The following POT1 variants were observed in gnomAD, a reference collection of about 807,000 sequenced individuals.
POT1 encodes the protein protection of telomeres 1.
Under a neutral mutation model 78.5 loss-of-function variants are expected in POT1, and 47 were observed. The observed-to-expected ratio is 0.60, with a 90% CI of 0.47 to 0.76. The LOEUF (loss-of-function observed/expected upper bound fraction) is 0.76. Ranked by LOEUF, POT1 falls within the 30% of genes least tolerant of loss-of-function variation. The pLI is 0.00. For missense variants in POT1, 646 were observed against 749.9 expected, an observed-to-expected ratio of 0.86 and a Z score of 1.62; for synonymous variants, 259 against 260.7, an observed-to-expected ratio of 0.99 and a Z score of 0.06.
intron 6 of POT1, among the ~76,000 whole-genome samples, chr7:124,881,486 A>G (rs895825550): frequency 2.0e-5 from 3 of 152,018 alleles, no homozygotes; most frequent in African/African-American, 7.2e-5. Context: ...ATCAAGAACA[A>G]TAAGAAAAAA....
At chr7:124,910,981 A>G (rs1046473000) in intron 3 of POT1, among the ~76,000 whole-genome samples, 5 of 151,936 alleles carry the variant, frequency 3.3e-5, no homozygotes, top group African/African-American at 1.2e-4. Flanking sequence ...CCCCAACACT[A>G]TTTTCTGTAT....
chr7:124,904,199 C>A (rs1206254323), intron 3 of POT1, among the ~76,000 whole-genome samples: 1 of 152,110 alleles, frequency 6.6e-6, no homozygotes, highest in East Asian at 1.9e-4. Context: ...CAAAGCCTGG[C>A]AGAGACATAA....
chr7:124,902,921 A>G (rs544088142), intron 3 of POT1, among the ~76,000 whole-genome samples: 1 of 152,220 alleles, frequency 6.6e-6, no homozygotes, highest in East Asian at 1.9e-4. Flanking sequence ...ATCAGAAGAG[A>G]CACAGAAGGC....
chr7:124,921,868 G>GA (rs914548581), intron 2 of POT1, among the ~76,000 whole-genome samples: 11 of 150,432 alleles, frequency 7.3e-5, no homozygotes, highest in South Asian at 2.1e-4. Flanking sequence ...AATGTGGCAG[G>GA]AAAAAAAAAT....
intron 5 of POT1, among the ~76,000 whole-genome samples, chr7:124,894,633 C>A (rs1013334044): frequency 6.6e-6 from 1 of 151,552 alleles, no homozygotes; most frequent in Non-Finnish European, 1.5e-5. Flanking sequence ...GGTTAATGTA[C>A]CATTGAGTAA....
At chr7:124,894,088 T>C (rs1796436481) in intron 5 of POT1, among the ~76,000 whole-genome samples, 1 of 151,588 alleles carries the variant, frequency 6.6e-6, no homozygotes, top group African/African-American at 2.4e-5. Flanking sequence ...TTAAAGGGCT[T>C]TGTATAAGTG....
At chr7:124,834,832 C>G (rs994351381) in intron 15 of POT1, among the ~76,000 whole-genome samples, 1 of 152,100 alleles carries the variant, frequency 6.6e-6, no homozygotes, top group Non-Finnish European at 1.5e-5. Context: ...TAGCAAAGAC[C>G]TGGAACTATA....
chr7:124,877,840 C>CAAAAAAAAAAAAAAAA lies in POT1; in HGVS notation c.125-6815_125-6800dup, dbSNP rs201285982. ...TGGGCGACAGAGAGAGATTCTGTCT[C>CAAAAAAAAAAAAAAAA]AAAAAAAAAAAAAAAAAAAAAAAAA... On this transcript the variant is annotated intron_variant, in intron 6 of 18. Coordinates refer to ENST00000357628, the MANE Select transcript of POT1 (RefSeq NM_015450.3). Among the ~76,000 whole-genome samples, 109 of 80,548 alleles carry CAAAAAAAAAAAAAAAA rather than the reference C, an allele frequency of 1.4e-3. 13 individuals carry two copies. Among genetic ancestry groups the CAAAAAAAAAAAAAAAA allele is most frequent in the East Asian group, 3.4e-3 (6 of 1,744 alleles). The allele number at this position is 80,548 out of a possible 152,430, so 52.8% of individuals were successfully genotyped here.
intron 3 of POT1, among the ~76,000 whole-genome samples, chr7:124,915,213 T>C (rs1796988555): frequency 6.6e-6 from 1 of 152,318 alleles, no homozygotes; most frequent in African/African-American, 2.4e-5. Context: ...AACCACAGGC[T>C]TCAGATGAGA....
At chr7:124,878,516 TGGA>T (rs1416268053) in intron 6 of POT1, among the ~76,000 whole-genome samples, 1 of 152,232 alleles carries the variant, frequency 6.6e-6, no homozygotes, top group Non-Finnish European at 1.5e-5. Context: ...TGTGATGTAA[TGGA>T]TATGTTAATT....
chr7:124,923,181 C>T (rs1232684252), intron 2 of POT1, among the ~76,000 whole-genome samples: 1 of 151,328 alleles, frequency 6.6e-6, no homozygotes, highest in African/African-American at 2.4e-5. Flanking sequence ...AAAAAAATTC[C>T]TCGAAATGCC....
chr7:124,839,199 C>T (rs943349862), intron 14 of POT1, among the ~76,000 whole-genome samples: 1 of 152,056 alleles, frequency 6.6e-6, no homozygotes, highest in Non-Finnish European at 1.5e-5. Flanking sequence ...AAGGAACAGT[C>T]TTTTTAAGAA....
chr7:124,854,320 T>C (rs1253128302), intron 9 of POT1, among the ~76,000 whole-genome samples: 1 of 151,970 alleles, frequency 6.6e-6, no homozygotes, highest in Non-Finnish European at 1.5e-5. Context: ...ACAAAATTTT[T>C]GTACACTGAA....
chr7:124,867,675 C>T (rs181552894), intron 7 of POT1, among the ~76,000 whole-genome samples: 3 of 151,880 alleles, frequency 2.0e-5, no homozygotes, highest in Non-Finnish European at 2.9e-5. Flanking sequence ...TGGATGGAGT[C>T]GTGCTCTGTC....
intron 6 of POT1, among the ~76,000 whole-genome samples, chr7:124,885,064 A>G (rs1327827717): frequency 6.6e-6 from 1 of 152,154 alleles, no homozygotes; most frequent in Non-Finnish European, 1.5e-5. Context: ...GTTTTCAGAG[A>G]AAATTATTGC....
chr7:124,834,843 C>A (rs1042678188), intron 15 of POT1, among the ~76,000 whole-genome samples: 2 of 152,144 alleles, frequency 1.3e-5, no homozygotes, highest in African/African-American at 2.4e-5. Flanking sequence ...TGGAACTATA[C>A]CAAATGTCCA....
In POT1 at chr7:124,853,094, T is replaced by G. The variant is rs35361862; in HGVS notation, c.747A>C (p.Gln249His). 6.2e-7 allele frequency: 1 copy of G among 1,607,836 alleles called. No individual in the cohort carries two copies. ...LRIYSLHTKL[Q>H]SMNSENQTML... ...TTGTCTGATTCTCTGAATTCATTGA[T>G]TGAAGTTTGGTATGAAGGCTATAGA... Residue 249 changes from glutamine (Q) to histidine (H), a missense_variant, in exon 10 of 19, where the codon CAA becomes CAC. Physicochemically the swap from Gln to His is conservative, Grantham distance 24. Coordinates refer to ENST00000357628, the MANE Select transcript of POT1 (RefSeq NM_015450.3).
intron 5 of POT1, among the ~76,000 whole-genome samples, chr7:124,895,892 G>A (rs1191341297): frequency 3.3e-5 from 5 of 151,390 alleles, no homozygotes; most frequent in Admixed American, 3.3e-4. Context: ...GTTTATATTG[G>A]GCCTTCAGAT....
chr7:124,907,587 A>G (rs1219897016), intron 3 of POT1, among the ~76,000 whole-genome samples: 1 of 152,132 alleles, frequency 6.6e-6, no homozygotes, highest in African/African-American at 2.4e-5. Context: ...AATGATAGAT[A>G]TATGTCAAAA....
Sources: allele counts gnomAD v4.1 joint callset (sites outside exome capture counted in the v4.1 genomes callset), GRCh38; gene constraint gnomAD v4.1.1; transcripts MANE v1.5; gene names NCBI Gene and HGNC (gene_info 2026-07-23, HGNC 2026-07-21).